The following HELQ variants were observed in gnomAD, a reference collection of about 807,000 sequenced individuals.
HELQ encodes helicase POLQ-like.
Under a neutral mutation model 111.6 loss-of-function variants are expected in HELQ, and 77 were observed. That is an observed-to-expected ratio of 0.69 (90% CI 0.57 to 0.83). HELQ has a LOEUF of 0.83. Ranked by LOEUF, HELQ falls within the 40% of genes least tolerant of loss-of-function variation. The pLI is 0.00. For synonymous variants in HELQ, 438 were observed against 454.7 expected (o/e 0.96, Z 0.47); for missense variants, 1,200 against 1,288.5 (o/e 0.93, Z 1.05).
chr4:83,420,569 G>A (rs1739623998), intron 15 of HELQ, among the ~76,000 whole-genome samples: 1 of 152,054 alleles, frequency 6.6e-6, no homozygotes, highest in Admixed American at 6.5e-5. Context: ...TGGATCACTT[G>A]AGGTCCGGAG....
intron 9 of HELQ, among the ~76,000 whole-genome samples, chr4:83,435,766 CTT>C (rs1287497717): frequency 6.6e-6 from 1 of 152,000 alleles, no homozygotes; most frequent in Non-Finnish European, 1.5e-5. Context: ...TGCTAAGCCT[CTT>C]TTTATGTTCA....
In HELQ at chr4:83,432,170, T is replaced by C. The variant is rs1720188634; in HGVS notation, c.2146A>G (p.Ile716Val). 6.2e-7 allele frequency: 1 copy of C among 1,601,394 alleles called. No homozygotes were observed. The highest frequency in any genetic ancestry group is 8.5e-7 in the Non-Finnish European group (1 of 1,173,580). ...TGCAATATGAGGATACTCTCCCCAA[T>C]AGTATCTATTCCAGCACGACCAGCT... ...GRAGRAGIDTIGESILILQEK... is the reference protein window; with the variant it reads ...GRAGRAGIDTVGESILILQEK... The change falls in exon 10 of 18, where the codon ATT becomes GTT. Residue 716 changes from isoleucine to valine, a missense_variant. Physicochemically the swap from Ile to Val is conservative, Grantham distance 29. Transcript: ENST00000295488.
rs1465560728 is a variant in HELQ at position 83,455,748 on chromosome 4, C to A, written c.-55G>T. On this transcript the variant is annotated 5_prime_UTR_variant, in exon 1 of 18. Transcript: ENST00000295488. ...CGTTCTCAGTGACCCAGACGCTAAG[C>A]CCATATGGAAGGGAGAGTGGGACGC... The A allele has an allele frequency of 1.3e-6, 2 of 1,527,594 alleles. No individual in the cohort carries two copies. Among genetic ancestry groups the A allele is most frequent in the Non-Finnish European group, 1.8e-6 (2 of 1,125,926 alleles). The allele number at this position is 1,527,594 out of a possible 1,614,324, so 94.6% of individuals were successfully genotyped here. A position where few individuals can be genotyped will look rare whatever the true frequency, so the allele number is the denominator to read the frequency against.
intron 1 of HELQ, among the ~76,000 whole-genome samples, chr4:83,454,337 T>C (rs373107386): frequency 2.6e-5 from 4 of 152,122 alleles, no homozygotes; most frequent in African/African-American, 9.7e-5. Context: ...GCTGAAGAAA[T>C]GGAGGCCCAA....
intron 17 of HELQ, among the ~76,000 whole-genome samples, 154 bp downstream of exon 17, chr4:83,416,577 T>C (rs930484174): frequency 1.3e-5 from 2 of 152,186 alleles, no homozygotes; most frequent in Non-Finnish European, 2.9e-5. Flanking sequence ...TCACAACAGA[T>C]GCATTATTTT....
chr4:83,441,277 C>T lies in HELQ; in HGVS notation c.1662+28G>A, dbSNP rs374231121. ...GTGCCCCAGACACAAAGTCTGGTAA[C>T]CTGGAATTTAAATGTTATCAATGTT... On this transcript the variant is annotated intron_variant, in intron 7 of 17. Coordinates refer to ENST00000295488, the MANE Select transcript of HELQ (RefSeq NM_133636.5). 4.0e-6 allele frequency: 5 copies of T among 1,260,858 alleles called. No homozygotes were observed. The South Asian group carries it at 5.0e-5, about 13-fold the overall frequency. 78.1% of individuals were successfully genotyped at this position (1,260,858 alleles called of 1,614,324 possible).
intron 8 of HELQ, among the ~76,000 whole-genome samples, chr4:83,437,603 TAAAAA>T (rs11337269): frequency 2.0e-5 from 2 of 97,906 alleles, no homozygotes. Context: ...AAGCCTTGTC[TAAAAA>T]AAAAAAAAAA....
intron 15 of HELQ, 148 bp downstream of exon 15, chr4:83,421,415 C>T (rs957336779): frequency 6.7e-6 from 4 of 598,690 alleles, no homozygotes; most frequent in Non-Finnish European, 1.2e-5. Context: ...AACAAACGTA[C>T]ATTTTAAATA....
intron 10 of HELQ, 78 bp from the exon 11 acceptor site, chr4:83,431,846 T>G (rs556922291): frequency 7.9e-4 from 483 of 610,642 alleles, no homozygotes; most frequent in South Asian, 1.9e-3. Flanking sequence ...TTTTATACTT[T>G]ACATAAATCT....
In HELQ at chr4:83,444,998, G is replaced by A. The variant is rs187909795; in HGVS notation, c.1465+1016C>T. ...GTGGCAATCCAGGTAGAAAGGATGA[G>A]GTACTGAACTAAAGACTTAGTGGTA... is the stretch of plus-strand genomic sequence containing the variant. On this transcript the variant is annotated intron_variant, in intron 5 of 17. Transcript: ENST00000295488. Among the ~76,000 whole-genome samples the A allele has an allele frequency of 2.7e-3, 416 of 152,246 alleles. 4 individuals are homozygous for A. Among genetic ancestry groups the A allele is most frequent in the African/African-American group, 9.6e-3 (400 of 41,534 alleles).
At chr4:83,449,057 G>A (rs1429093544) in intron 2 of HELQ, 96 bp from the exon 3 acceptor site, 7 of 852,194 alleles carry the variant, frequency 8.2e-6, no homozygotes, top group Non-Finnish European at 1.3e-5. Context: ...TTCCTGTGGA[G>A]CAATCCTCTC....
In HELQ at chr4:83,441,296, C is replaced by T. The variant is rs753594971; in HGVS notation, c.1662+9G>A. 2.0e-6 allele frequency: 3 copies of T among 1,484,100 alleles called. No homozygotes were observed. Among genetic ancestry groups the T allele is most frequent in the African/African-American group, 2.8e-5 (2 of 70,960 alleles). The allele number at this position is 1,484,100 out of a possible 1,614,324, so 91.9% of individuals were successfully genotyped here. A position where few individuals can be genotyped will look rare whatever the true frequency, so the allele number is the denominator to read the frequency against. On this transcript the variant is annotated intron_variant, in intron 7 of 17. Coordinates refer to ENST00000295488, the MANE Select transcript of HELQ (RefSeq NM_133636.5). Reference sequence around the variant, plus strand: ...TGGTAACCTGGAATTTAAATGTTATCAATGTTACCTTATAATTAAGAAGAC... The same window carrying T: ...TGGTAACCTGGAATTTAAATGTTATTAATGTTACCTTATAATTAAGAAGAC...
chr4:83,449,045 C>G (rs1160885823), intron 2 of HELQ, 84 bp from the exon 3 acceptor site: 2 of 978,176 alleles, frequency 2.0e-6, no homozygotes, highest in Non-Finnish European at 3.0e-6. Context: ...AAATCAAATC[C>G]CTTCCTGTGG....
At chr4:83,435,235 G>T (rs542102926) in intron 9 of HELQ, among the ~76,000 whole-genome samples, 1 of 152,102 alleles carries the variant, frequency 6.6e-6, no homozygotes, top group Non-Finnish European at 1.5e-5. Flanking sequence ...GTCAATGCAT[G>T]TAAAGTTGTT....
intron 13 of HELQ, among the ~76,000 whole-genome samples, chr4:83,427,186 T>C (rs1023475700): frequency 2.0e-5 from 3 of 152,196 alleles, no homozygotes; most frequent in Non-Finnish European, 4.4e-5. Context: ...TTCTTTTTTT[T>C]AACCTTTACT....
rs1467274710 is a variant in HELQ at position 83,418,340 on chromosome 4, T to C, written c.2950-134A>G. The C allele has an allele frequency of 1.6e-5, 8 of 486,264 alleles. No homozygotes were observed. The East Asian group carries it at 2.6e-4, about 16-fold the overall frequency. 30.1% of individuals were successfully genotyped at this position (486,264 alleles called of 1,614,324 possible). A position where few individuals can be genotyped will look rare whatever the true frequency, so the allele number is the denominator to read the frequency against. On this transcript the variant is annotated intron_variant, in intron 15 of 17. Transcript: ENST00000295488. ...CTTGAGTTAAGCCAGAGATGAAAGA[T>C]GATTCTAAGCAAAACAGATGTGAAG...
At chr4:83,412,490 G>C (rs972420517) in intron 17 of HELQ, among the ~76,000 whole-genome samples, 1 of 152,096 alleles carries the variant, frequency 6.6e-6, no homozygotes, top group Non-Finnish European at 1.5e-5. Context: ...CCCTCCTTTT[G>C]CCTGCCTAAG....
At chr4:83,439,690 A>T (rs1720668215) in intron 8 of HELQ, among the ~76,000 whole-genome samples, 173 bp downstream of exon 8, 1 of 152,202 alleles carries the variant, frequency 6.6e-6, no homozygotes. Flanking sequence ...GCTATTTCAC[A>T]TGTGATTTTT....
Position 83,453,447 on chromosome 4 carries a change from T to C in HELQ, c.796A>G (p.Lys266Glu), listed in dbSNP as rs764380431. 6.2e-6 allele frequency: 10 copies of C among 1,605,598 alleles called. No individual in the cohort carries two copies. The part of the protein sequence containing the change: ...SSDMNRRKSI[K>E]DHLKNAMTGN... ...GTCATGGCATTTTTTAGATGATCTT[T>C]AATACTTTTTCTCCTGTTCATATCT... The change falls in exon 2 of 18, where the codon AAA becomes GAA. Residue 266 changes from lysine (K) to glutamate (E), a missense_variant. Physicochemically the swap from Lys to Glu is moderately conservative, Grantham distance 56. Transcript: ENST00000295488.
Sources: gnomAD v4.1 joint callset for allele counts (sites outside exome capture counted in the v4.1 genomes callset) on GRCh38, gnomAD v4.1.1 for gene constraint, MANE v1.5 for transcripts, NCBI Gene and HGNC (gene_info 2026-07-23, HGNC 2026-07-21) for gene names.